Variants in LYPLA1 observed in about 807,000 individuals in gnomAD.
The protein encoded by LYPLA1 is acyl-protein thioesterase 1.
A neutral mutation model predicts 34.0 loss-of-function variants in LYPLA1; 17 were observed. That is an observed-to-expected ratio of 0.50 (90% CI 0.34 to 0.75). The LOEUF (loss-of-function observed/expected upper bound fraction) is 0.75. LYPLA1 is among the 30% of genes least tolerant of loss of function. The pLI, the probability that LYPLA1 is intolerant of heterozygous loss-of-function variation, is 0.01. For synonymous variants in LYPLA1, 98 were observed against 100.8 expected, an observed-to-expected ratio of 0.97 and a Z score of 0.17; for missense variants, 203 against 288.8, an observed-to-expected ratio of 0.70 and a Z score of 2.15.
rs1810195699 is a variant in LYPLA1, at chr8:54,101,885, G to A, written c.-62C>T. 1.9e-6 allele frequency: 2 copies of A among 1,061,798 alleles called. No individual in the cohort carries two copies. Among genetic ancestry groups the A allele is most frequent in the East Asian group, 8.1e-5 (2 of 24,590 alleles). 65.8% of individuals were successfully genotyped at this position (1,061,798 alleles called of 1,614,324 possible). A position where few individuals can be genotyped will look rare whatever the true frequency, so the allele number is the denominator to read the frequency against. On this transcript the variant is annotated 5_prime_UTR_variant, in exon 1 of 9. Coordinates refer to ENST00000316963, the MANE Select transcript of LYPLA1 (RefSeq NM_006330.4). ...GCGGGCGCCCGGCCGCGGCCCAAGG[G>A]CGTGCGAGCGGCGAGTCCCGGCCGG... is the stretch of plus-strand genomic sequence containing the variant.
intron 2 of LYPLA1, among the ~76,000 whole-genome samples, chr8:54,089,213 T>C (rs1469430531): frequency 6.6e-6 from 1 of 152,226 alleles, no homozygotes; most frequent in Non-Finnish European, 1.5e-5. Flanking sequence ...GTATGTGAAT[T>C]ATATCTCTAT....
chr8:54,062,138 G>A (rs765468083), intron 5 of LYPLA1, 116 bp downstream of exon 5: 30 of 690,510 alleles, frequency 4.3e-5, no homozygotes, highest in East Asian at 4.0e-4. Context: ...GATTACAGGC[G>A]TGAGCCACCG....
At chr8:54,086,045 G>A (rs1808735794) in intron 2 of LYPLA1, among the ~76,000 whole-genome samples, 2 of 152,182 alleles carry the variant, frequency 1.3e-5, no homozygotes, top group South Asian at 4.1e-4. Context: ...TGTGTAGAAA[G>A]AAGTAGACAT....
chr8:54,073,469 G>A (rs1807653378), intron 2 of LYPLA1: 8 of 766,002 alleles, frequency 1.0e-5, no homozygotes, highest in Non-Finnish European at 1.7e-5. Context: ...GCCTTGTGAT[G>A]TATGGCATCT....
At chr8:54,072,106 A>C (rs1807519320) in intron 2 of LYPLA1, among the ~76,000 whole-genome samples, 1 of 152,150 alleles carries the variant, frequency 6.6e-6, no homozygotes, top group African/African-American at 2.4e-5. Context: ...TTTGATACTC[A>C]ACAAAGCTGA....
rs1382500040 is a variant in LYPLA1, at chr8:54,086,304, C to G, written c.101+14604G>C. The stretch of plus-strand genomic sequence containing the variant: ...TGTACACTGAGGAAGGCGGCAGGGC[C>G]CTCTGCCTAGGAAAACCAGAGACCT... On this transcript the variant is annotated intron_variant, in intron 2 of 8. Transcript: ENST00000316963. 1.3e-5 allele frequency among the ~76,000 whole-genome samples: 2 copies of G among 151,608 alleles called. 1 individual carries two copies. The highest frequency in any genetic ancestry group is 2.9e-5 in the Non-Finnish European group (2 of 67,900).
rs747030072 is a variant in LYPLA1, at chr8:54,065,827, C to T, written c.102-14G>A. 1.9e-6 allele frequency: 3 copies of T among 1,594,466 alleles called. No homozygotes were observed. Among genetic ancestry groups the T allele is most frequent in the Non-Finnish European group, 2.6e-6 (3 of 1,162,180 alleles). ...GCCCATCCGTGCCTGGTGGAAAAAT[C>T]ATTGAATAATGCTATTAGACACTGT... On this transcript the variant is annotated splice_polypyrimidine_tract_variant and intron_variant, in intron 2 of 8. Coordinates refer to ENST00000316963, the MANE Select transcript of LYPLA1 (RefSeq NM_006330.4).
intron 2 of LYPLA1, among the ~76,000 whole-genome samples, chr8:54,067,387 G>A (rs190558465): frequency 7.2e-4 from 109 of 152,088 alleles, no homozygotes; most frequent in African/African-American, 2.3e-3. Context: ...TTCTTCATGC[G>A]TACATGTTCA....
chr8:54,100,688 T>C (rs1479727207), intron 2 of LYPLA1: 2 of 536,582 alleles, frequency 3.7e-6, no homozygotes, highest in Admixed American at 3.7e-5. Context: ...GAAATTTTAA[T>C]ATGTTCCAGA....
intron 2 of LYPLA1, chr8:54,072,996 C>G (rs1807604214): frequency 2.7e-6 from 1 of 372,494 alleles, no homozygotes; most frequent in Admixed American, 3.7e-5. Context: ...TGCTCAAGAT[C>G]ATTAATGATT....
rs537053400 is a variant in LYPLA1 at position 54,098,938 on chromosome 8, C to T, written c.101+1970G>A. On this transcript the variant is annotated intron_variant, in intron 2 of 8. Coordinates refer to ENST00000316963, the MANE Select transcript of LYPLA1 (RefSeq NM_006330.4). Reference sequence around the variant, plus strand: ...TCAGCCTTTCCTTAGCATTATCCCACCAAATAATTTCAGAACTGGAGACCT... The same window carrying T: ...TCAGCCTTTCCTTAGCATTATCCCATCAAATAATTTCAGAACTGGAGACCT... Among the ~76,000 whole-genome samples the T allele has an allele frequency of 8.5e-5, 13 of 152,248 alleles. No homozygotes were observed. The East Asian group carries it at 9.7e-4, about 11-fold the overall frequency.
intron 2 of LYPLA1, among the ~76,000 whole-genome samples, chr8:54,078,365 C>G (rs535098332): frequency 6.6e-6 from 1 of 152,312 alleles, no homozygotes; most frequent in South Asian, 2.1e-4. Context: ...CCAAACCAAT[C>G]TGAGTTTAGA....
At chr8:54,070,701 C>A (rs777610562) in intron 2 of LYPLA1, among the ~76,000 whole-genome samples, 5 of 152,052 alleles carry the variant, frequency 3.3e-5, no homozygotes, top group Non-Finnish European at 7.4e-5. Flanking sequence ...CCAGCCTGGG[C>A]GGCAGAGCGA....
At chr8:54,057,971 T>C (rs770115698) in intron 5 of LYPLA1, among the ~76,000 whole-genome samples, 15 of 152,140 alleles carry the variant, frequency 9.9e-5, no homozygotes, top group Non-Finnish European at 1.9e-4. Context: ...AAATAAAATT[T>C]TAATTAAAAC....
intron 2 of LYPLA1, among the ~76,000 whole-genome samples, chr8:54,075,437 T>G (rs1006826087): frequency 1.3e-5 from 2 of 152,056 alleles, no homozygotes; most frequent in African/African-American, 4.8e-5. Flanking sequence ...GAGGGCCCCC[T>G]GATTGCAGCC....
chr8:54,061,661 G>A (rs745362767), intron 5 of LYPLA1, among the ~76,000 whole-genome samples: 1 of 152,010 alleles, frequency 6.6e-6, no homozygotes, highest in Non-Finnish European at 1.5e-5. Flanking sequence ...CGCCTCCATG[G>A]TCCCAGCCTA....
rs1225806904 is a variant in LYPLA1 at position 54,046,424 on chromosome 8, T to A, written c.*1641A>T. 1.3e-5 allele frequency: 2 copies of A among 152,618 alleles called. No individual in the cohort carries two copies. Among genetic ancestry groups the A allele is most frequent in the East Asian group, 3.8e-4 (2 of 5,202 alleles). 9.5% of individuals were successfully genotyped at this position (152,618 alleles called of 1,614,324 possible). On this transcript the variant is annotated 3_prime_UTR_variant, in exon 9 of 9. Transcript: ENST00000316963. Reference sequence around the variant, plus strand: ...CATTGATAGAAACCATGAAAAACATTTACACTTTCCCATGTTACAGCACAA... The same window carrying A: ...CATTGATAGAAACCATGAAAAACATATACACTTTCCCATGTTACAGCACAA...
At chr8:54,058,617 T>TCC (rs1806372480) in intron 5 of LYPLA1, among the ~76,000 whole-genome samples, 2 of 138,048 alleles carry the variant, frequency 1.4e-5, no homozygotes, top group Non-Finnish European at 3.1e-5. Context: ...TCTGTCTCTG[T>TCC]CTCTCTCTCT....
At chr8:54,052,906 A>C in intron 6 of LYPLA1, 150 bp from the exon 7 acceptor site, 1 of 592,376 alleles carries the variant, frequency 1.7e-6, no homozygotes, top group Non-Finnish European at 3.1e-6. Flanking sequence ...ATACAAACAC[A>C]CCCCACCGTG....
Sources: gnomAD v4.1 joint callset for allele counts (sites outside exome capture counted in the v4.1 genomes callset) on GRCh38, gnomAD v4.1.1 for gene constraint, MANE v1.5 for transcripts, NCBI Gene and HGNC (gene_info 2026-07-23, HGNC 2026-07-21) for gene names.